DAB1: variants seen among roughly 807,000 people sequenced by gnomAD.
DAB1 encodes disabled homolog 1.
A neutral mutation model predicts 64.6 loss-of-function variants in DAB1; 15 were observed. That is an observed-to-expected ratio of 0.23 (90% CI 0.16 to 0.36). DAB1 has a LOEUF of 0.36. Among genes scored for constraint, DAB1 ranks in the 10% least tolerant of loss-of-function variants. The pLI, the probability that DAB1 is intolerant of heterozygous loss-of-function variation, is 1.00. For missense variants in DAB1, 596 were observed against 706.7 expected (o/e 0.84, Z 1.78); for synonymous variants, 235 against 251.9 (o/e 0.93, Z 0.64).
At chr1:58,478,429 T>G (rs1373756222) in intron 3 of DAB1, among the ~76,000 whole-genome samples, 1 of 152,224 alleles carries the variant, frequency 6.6e-6, no homozygotes, top group Non-Finnish European at 1.5e-5. Flanking sequence ...TTTATTACAT[T>G]TGCAGCTCTA....
chr1:58,114,153 A>T (rs970041116), intron 5 of DAB1, among the ~76,000 whole-genome samples: 1 of 151,950 alleles, frequency 6.6e-6, no homozygotes, highest in African/African-American at 2.4e-5. Context: ...CAGCTACTCA[A>T]GAGGCTGAGG....
intron 7 of DAB1, among the ~76,000 whole-genome samples, chr1:57,536,077 G>T (rs1309131429): frequency 3.3e-5 from 5 of 152,202 alleles, no homozygotes; most frequent in Non-Finnish European, 7.3e-5. Context: ...TTTGCAAACA[G>T]CTAGGCCTGT....
intron 4 of DAB1, among the ~76,000 whole-genome samples, chr1:58,258,688 AACCCAG>A (rs777274837): frequency 1.6e-4 from 24 of 152,242 alleles, no homozygotes; most frequent in Non-Finnish European, 3.1e-4. Context: ...TTAGATAAGG[AACCCAG>A]ACCTCAAACA....
At chr1:58,379,922 G>T (rs942777870) in intron 3 of DAB1, among the ~76,000 whole-genome samples, 6 of 152,152 alleles carry the variant, frequency 3.9e-5, no homozygotes, top group Admixed American at 1.3e-4. Context: ...AGCTAGAGAT[G>T]ATATTTCTCA....
chr1:57,389,154 G>C (rs1490985564), intron 1 of DAB1, among the ~76,000 whole-genome samples: 1 of 152,086 alleles, frequency 6.6e-6, no homozygotes, highest in African/African-American at 2.4e-5. Context: ...TCATTATCTT[G>C]GCTCTGGTTC....
chr1:57,446,777 C>G (rs1686157865), intron 7 of DAB1, among the ~76,000 whole-genome samples: 1 of 151,850 alleles, frequency 6.6e-6, no homozygotes, highest in South Asian at 2.1e-4. Flanking sequence ...TAGTGGTTTC[C>G]TGGAGTTTGG....
intron 1 of DAB1, among the ~76,000 whole-genome samples, chr1:57,409,172 C>A (rs748179111): frequency 6.6e-6 from 1 of 152,262 alleles, no homozygotes; most frequent in African/African-American, 2.4e-5. Flanking sequence ...GGGGGCTGCA[C>A]CTCCTGGGGT....
chr1:57,806,329 C>A (rs1019171991), intron 6 of DAB1, among the ~76,000 whole-genome samples: 7 of 152,234 alleles, frequency 4.6e-5, no homozygotes, highest in East Asian at 1.9e-4. Flanking sequence ...CAGAGGTAAT[C>A]AAGTTAAAAT....
At chr1:58,300,606 AAGAAAGAGAGAGAGAGAGAGAG>A (rs1662116128) in intron 4 of DAB1, among the ~76,000 whole-genome samples, 5 of 37,970 alleles carry the variant, frequency 1.3e-4, no homozygotes, top group African/African-American at 2.5e-4. Flanking sequence ...GAAAGAAAGA[AAGAAAGAGAGAGAGAGAGAGAG>A]AGAGAGAGAG....
chr1:57,834,018 C>A lies in DAB1; in HGVS notation n.88-7563G>T, dbSNP rs1044713691. Among the ~76,000 whole-genome samples the A allele has an allele frequency of 3.3e-5, 5 of 152,170 alleles. No homozygotes were observed. The South Asian group carries it at 1.0e-3, about 32-fold the overall frequency. On this transcript the variant is annotated intron_variant and non_coding_transcript_variant, in intron 1 of 1. Coordinates refer to the DAB1 transcript ENST00000477280. ...GATGCAAAAATGAAGCTTGTATTTG[C>A]ATCCTATTAACCTATTTAAAATCTC...
chr1:57,356,451 T>C (rs1371794771), intron 1 of DAB1, among the ~76,000 whole-genome samples: 2 of 152,120 alleles, frequency 1.3e-5, no homozygotes, highest in Non-Finnish European at 2.9e-5. Flanking sequence ...TTTATGCTTT[T>C]GATGATATCA....
intron 6 of DAB1, among the ~76,000 whole-genome samples, chr1:57,813,708 A>G (rs1011382637): frequency 6.6e-6 from 1 of 152,190 alleles, no homozygotes; most frequent in Non-Finnish European, 1.5e-5. Flanking sequence ...CAATGGAGGA[A>G]TAACTAAATG....
Position 57,023,625 on chromosome 1 carries a change from T to C in DAB1, c.801A>G (p.Pro267=), listed in dbSNP as rs1266650846. 11 of 1,610,422 alleles carry C rather than the reference T, an allele frequency of 6.8e-6. No individual in the cohort carries two copies. Among genetic ancestry groups the C allele is most frequent in the Admixed American group, 5.0e-5 (3 of 59,726 alleles). Reference sequence around the variant, plus strand: ...ATGAAGATGGGATAAAGGCATCACCTGGAGTTGCAGGAGTCTGCCAGACAG... The same window carrying C: ...ATGAAGATGGGATAAAGGCATCACCCGGAGTTGCAGGAGTCTGCCAGACAG... ...DITSPPTPAT[P]GDAFIPSSSQ... Residue 267 remains proline, a synonymous_variant, in exon 11 of 15, where the codon CCA becomes CCG. Transcript: ENST00000371236.
intron 1 of DAB1, among the ~76,000 whole-genome samples, chr1:57,330,110 G>C (rs1310275281): frequency 1.3e-5 from 2 of 152,162 alleles, no homozygotes; most frequent in African/African-American, 4.8e-5. Context: ...CTAAGGCATT[G>C]AACTACAATC....
intron 6 of DAB1, among the ~76,000 whole-genome samples, chr1:57,679,103 G>C (rs1044392234): frequency 3.9e-5 from 6 of 152,094 alleles, no homozygotes; most frequent in African/African-American, 1.4e-4. Flanking sequence ...TCATTTTCTA[G>C]AGAATGAATA....
chr1:58,025,117 T>TCA (rs144729175), intron 5 of DAB1, among the ~76,000 whole-genome samples: 42 of 148,984 alleles, frequency 2.8e-4, no homozygotes, highest in Middle Eastern at 3.5e-3. Flanking sequence ...TTTCACACAC[T>TCA]CACACACACA....
chr1:57,480,764 C>A (rs1351755558), intron 7 of DAB1, among the ~76,000 whole-genome samples: 1 of 152,146 alleles, frequency 6.6e-6, no homozygotes, highest in Non-Finnish European at 1.5e-5. Flanking sequence ...CGATTATAGG[C>A]ATGAGCCACC....
intron 3 of DAB1, among the ~76,000 whole-genome samples, chr1:58,437,780 T>C (rs1193323506): frequency 2.0e-5 from 3 of 152,116 alleles, no homozygotes; most frequent in African/African-American, 2.4e-5. Context: ...CTTTGAGGAG[T>C]AGCACTGCCC....
intron 2 of DAB1, chr1:58,506,262 T>A (rs1001785250): frequency 1.9e-5 from 15 of 796,942 alleles, no homozygotes; most frequent in Middle Eastern, 2.4e-4. Flanking sequence ...GAGGATTTTT[T>A]AAAAACTACT....
Sources: gnomAD v4.1 joint callset for allele counts (sites outside exome capture counted in the v4.1 genomes callset) on GRCh38, gnomAD v4.1.1 for gene constraint, MANE v1.5 for transcripts, NCBI Gene and HGNC (gene_info 2026-07-23, HGNC 2026-07-21) for gene names.